ATRNL1: variants seen among roughly 807,000 people sequenced by gnomAD.
ATRNL1 encodes the protein attractin like 1, also known as attractin-like protein 1.
Under a neutral mutation model 182.7 loss-of-function variants are expected in ATRNL1, and 95 were observed. That is an observed-to-expected ratio of 0.52 (90% confidence interval 0.44 to 0.62). The LOEUF (loss-of-function observed/expected upper bound fraction) is 0.62, where lower values mean the gene tolerates loss of function less well. ATRNL1 is among the 20% of genes least tolerant of loss of function. The pLI is 0.00. For synonymous variants in ATRNL1, 576 were observed against 568.3 expected, an observed-to-expected ratio of 1.01 and a Z score of -0.19; for missense variants, 1,471 against 1,679.5, an observed-to-expected ratio of 0.88 and a Z score of 2.17.
At chr10:115,447,479 C>T (rs1379524320) in intron 21 of ATRNL1, among the ~76,000 whole-genome samples, 2 of 151,612 alleles carry the variant, frequency 1.3e-5, no homozygotes, top group East Asian at 1.9e-4. Context: ...TTTGTTAGCT[C>T]ACTTAATCAT....
intron 20 of ATRNL1, among the ~76,000 whole-genome samples, chr10:115,395,438 C>G (rs1329083082): frequency 6.6e-6 from 1 of 151,718 alleles, no homozygotes; most frequent in African/African-American, 2.4e-5. Context: ...TAAAACAACC[C>G]CATAGAACAT....
intron 9 of ATRNL1, among the ~76,000 whole-genome samples, chr10:115,239,207 A>G (rs1490484678): frequency 1.3e-5 from 2 of 152,044 alleles, no homozygotes; most frequent in Non-Finnish European, 2.9e-5. Context: ...GTAAAGAAAA[A>G]TTAGAGACTA....
At chr10:115,896,728 G>A (rs1952217703) in intron 28 of ATRNL1, among the ~76,000 whole-genome samples, 1 of 152,062 alleles carries the variant, frequency 6.6e-6, no homozygotes, top group South Asian at 2.1e-4. Flanking sequence ...AATAAATGAA[G>A]GAAGGATGAC....
chr10:115,868,341 A>G (rs565628780), intron 28 of ATRNL1, among the ~76,000 whole-genome samples: 1 of 151,474 alleles, frequency 6.6e-6, no homozygotes, highest in South Asian at 2.1e-4. Flanking sequence ...CTGTATTAAA[A>G]CTCTCACCAA....
At chr10:115,217,583 C>G (rs1283148092) in intron 9 of ATRNL1, among the ~76,000 whole-genome samples, 3 of 152,106 alleles carry the variant, frequency 2.0e-5, no homozygotes, top group African/African-American at 7.2e-5. Context: ...TCAGTTGTTG[C>G]TCACTACTTG....
chr10:115,300,282 G>A (rs782637093), intron 16 of ATRNL1, 35 bp downstream of exon 16: 1 of 1,549,050 alleles, frequency 6.5e-7, no homozygotes, highest in East Asian at 2.3e-5. Context: ...TCCTTTAAAA[G>A]TATGTTTCCC....
chr10:115,780,630 A>T (rs77860866), intron 27 of ATRNL1, among the ~76,000 whole-genome samples: 1 of 152,262 alleles, frequency 6.6e-6, no homozygotes, highest in Admixed American at 6.5e-5. Flanking sequence ...CAACAGTAGG[A>T]TAGGGCACTG....
At chr10:115,254,604 G>A (rs1163580662) in intron 10 of ATRNL1, among the ~76,000 whole-genome samples, 1 of 152,044 alleles carries the variant, frequency 6.6e-6, no homozygotes, top group African/African-American at 2.4e-5. Context: ...CACTCTGATG[G>A]TAGTTTCTTT....
chr10:115,620,631 A>G (rs1555022384), intron 26 of ATRNL1, among the ~76,000 whole-genome samples: 1 of 152,218 alleles, frequency 6.6e-6, no homozygotes, highest in Non-Finnish European at 1.5e-5. Flanking sequence ...CATGTGAACT[A>G]AAAGGCATTT....
intron 27 of ATRNL1, among the ~76,000 whole-genome samples, chr10:115,728,111 TAAAAAAAAAAAAAAAAGAAAAA>T (rs1182640717): frequency 2.3e-5 from 1 of 44,374 alleles, no homozygotes; most frequent in Non-Finnish European, 4.5e-5. Context: ...CCGTCTCTAC[TAAAAAAAAAAAAAAAAGAAAAA>T]AAAAAAAAAA....
At chr10:115,369,762 G>A (rs1213191084) in intron 19 of ATRNL1, among the ~76,000 whole-genome samples, 1 of 152,112 alleles carries the variant, frequency 6.6e-6, no homozygotes, top group African/African-American at 2.4e-5. Context: ...CCTGATAACA[G>A]CCATTCTAAC....
intron 19 of ATRNL1, among the ~76,000 whole-genome samples, chr10:115,376,620 A>G (rs1857686314): frequency 6.6e-6 from 1 of 152,104 alleles, no homozygotes; most frequent in Admixed American, 6.6e-5. Context: ...CAGCCTTTCA[A>G]AGTGCTGTGA....
chr10:115,769,797 G>C (rs991786269), intron 27 of ATRNL1, among the ~76,000 whole-genome samples: 6 of 152,122 alleles, frequency 3.9e-5, no homozygotes, highest in Non-Finnish European at 8.8e-5. Flanking sequence ...TACATATAAA[G>C]GGCTTCCAAT....
At chr10:115,651,511 G>C (rs559701907) in intron 26 of ATRNL1, among the ~76,000 whole-genome samples, 7 of 152,108 alleles carry the variant, frequency 4.6e-5, no homozygotes, top group African/African-American at 1.4e-4. Flanking sequence ...TTGGCTTTCA[G>C]CAATTTAATC....
intron 19 of ATRNL1, among the ~76,000 whole-genome samples, chr10:115,370,123 G>A (rs1213823039): frequency 6.6e-6 from 1 of 152,158 alleles, no homozygotes; most frequent in African/African-American, 2.4e-5. Flanking sequence ...TGTGAGATGT[G>A]CCTTTCACAT....
intron 26 of ATRNL1, among the ~76,000 whole-genome samples, chr10:115,642,391 C>A (rs1555030754): frequency 6.6e-6 from 1 of 151,796 alleles, no homozygotes; most frequent in African/African-American, 2.4e-5. Flanking sequence ...TGTCAGTCTT[C>A]CTCAAATTGA....
At chr10:115,555,343 T>A (rs1275470551) in intron 26 of ATRNL1, among the ~76,000 whole-genome samples, 6 of 151,846 alleles carry the variant, frequency 4.0e-5, no homozygotes, top group African/African-American at 1.4e-4. Context: ...ATGGTTAGAT[T>A]TCTGAAAATA....
At chr10:115,295,394 C>T (rs1315010738) in intron 15 of ATRNL1, among the ~76,000 whole-genome samples, 1 of 152,116 alleles carries the variant, frequency 6.6e-6, no homozygotes, top group African/African-American at 2.4e-5. Context: ...GTGTGCCTGC[C>T]AGGGGTGGCC....
intron 19 of ATRNL1, among the ~76,000 whole-genome samples, chr10:115,355,245 G>A (rs890177576): frequency 5.9e-5 from 9 of 152,138 alleles, no homozygotes; most frequent in Admixed American, 1.3e-4. Flanking sequence ...ATTTGTTCCA[G>A]TCTTTCCAGT....
Sources: gnomAD v4.1 joint callset for allele counts (sites outside exome capture counted in the v4.1 genomes callset) on GRCh38, gnomAD v4.1.1 for gene constraint, MANE v1.5 for transcripts, NCBI Gene and HGNC (gene_info 2026-07-23, HGNC 2026-07-21) for gene names.